The following AFF2 variants were observed in gnomAD, a reference collection of about 807,000 sequenced individuals.
AFF2 encodes AF4/FMR2 family member 2.
A neutral mutation model predicts 76.9 loss-of-function variants in AFF2; 14 were observed. The observed-to-expected ratio is 0.18, with a 90% CI of 0.12 to 0.28. AFF2 has a LOEUF of 0.28. Among genes scored for constraint, AFF2 ranks in the 10% least tolerant of loss-of-function variants. AFF2 has a pLI of 1.00. For missense variants in AFF2, 868 were observed against 1,001.1 expected, an observed-to-expected ratio of 0.87 and a Z score of 1.79; for synonymous variants, 398 against 366.7, an observed-to-expected ratio of 1.09 and a Z score of -0.98.
Position 148,583,587 on chromosome X carries a change from A to T in AFF2, c.48-68412A>T, listed in dbSNP as rs183799546. ...AAAATCCATGTGTATACATATGTTCATATATGCATATGTATATACACACAT... is the reference window on the plus strand; with the variant it reads ...AAAATCCATGTGTATACATATGTTCTTATATGCATATGTATATACACACAT... On this transcript the variant is annotated intron_variant, in intron 1 of 20. Coordinates refer to ENST00000370460, the MANE Select transcript of AFF2 (RefSeq NM_002025.4). Among the ~76,000 whole-genome samples, 635 of 111,591 alleles carry T rather than the reference A, an allele frequency of 5.7e-3. 4 individuals carry two copies. The highest frequency in any genetic ancestry group is 0.02 in the African/African-American group (602 of 30,727).
intron 3 of AFF2, among the ~76,000 whole-genome samples, chrX:148,667,810 G>C (rs1168332097): frequency 9.0e-6 from 1 of 111,431 alleles, no homozygotes; most frequent in Non-Finnish European, 1.9e-5. Context: ...TTTGGGTGGG[G>C]ACACAGCCAA....
At chrX:148,766,677 T>A (rs1375256340) in intron 3 of AFF2, among the ~76,000 whole-genome samples, 1 of 110,525 alleles carries the variant, frequency 9.0e-6, no homozygotes, top group African/African-American at 3.3e-5. Flanking sequence ...CTGATGGTAG[T>A]TTCTTTTGCT....
chrX:148,680,402 A>T (rs782159511), intron 3 of AFF2, among the ~76,000 whole-genome samples: 1 of 112,296 alleles, frequency 8.9e-6, no homozygotes, highest in South Asian at 3.7e-4. Flanking sequence ...GCCTTTCTTG[A>T]AGATGACAGC....
intron 1 of AFF2, among the ~76,000 whole-genome samples, chrX:148,523,092 A>G (rs1370589056): frequency 1.8e-5 from 2 of 112,292 alleles, no homozygotes; most frequent in Admixed American, 9.5e-5. Flanking sequence ...ATATATGCAT[A>G]TATATCATCT....
At chrX:148,516,489 C>A (rs1423387942) in intron 1 of AFF2, among the ~76,000 whole-genome samples, 2 of 111,821 alleles carry the variant, frequency 1.8e-5, no homozygotes, top group African/African-American at 6.5e-5. Flanking sequence ...TCCTGTGAAA[C>A]CATACATCTC....
chrX:148,988,043 G>A (rs782546999), intron 20 of AFF2, among the ~76,000 whole-genome samples: 8 of 111,643 alleles, frequency 7.2e-5, no homozygotes, highest in Non-Finnish European at 1.3e-4. Flanking sequence ...TTCACACACC[G>A]ATGGCTGGGA....
intron 1 of AFF2, among the ~76,000 whole-genome samples, chrX:148,562,714 T>G (rs782063585): frequency 1.3e-4 from 14 of 111,798 alleles, no homozygotes; most frequent in Non-Finnish European, 2.4e-4. Context: ...GAATAATAGA[T>G]GTCTCCCTTC....
chrX:148,744,352 T>C (rs1030329892), intron 3 of AFF2, among the ~76,000 whole-genome samples: 9 of 112,026 alleles, frequency 8.0e-5, no homozygotes, highest in Non-Finnish European at 1.7e-4. Context: ...TTATGATAAT[T>C]TAGTTAAGAA....
At chrX:148,548,405 A>C (rs2052951166) in intron 1 of AFF2, among the ~76,000 whole-genome samples, 1 of 112,198 alleles carries the variant, frequency 8.9e-6, no homozygotes, top group South Asian at 3.7e-4. Context: ...ATGCAGCCAA[A>C]TAAAGAAGCT....
intron 3 of AFF2, among the ~76,000 whole-genome samples, chrX:148,776,317 C>T (rs782515262): frequency 5.3e-5 from 6 of 112,161 alleles, no homozygotes; most frequent in African/African-American, 1.9e-4. Flanking sequence ...CTGCAATAAA[C>T]ATATGTGTGT....
chrX:148,570,689 C>G (rs2053219909), intron 1 of AFF2, among the ~76,000 whole-genome samples: 1 of 111,249 alleles, frequency 9.0e-6, no homozygotes, highest in Non-Finnish European at 1.9e-5. Context: ...TTTTGTTTCC[C>G]AGTTCTAGAG....
chrX:148,938,473 A>C (rs2071797759), intron 9 of AFF2, among the ~76,000 whole-genome samples: 1 of 112,112 alleles, frequency 8.9e-6, no homozygotes, highest in Non-Finnish European at 1.9e-5. Flanking sequence ...CCTATGTTGA[A>C]TCACAACTCA....
At chrX:148,555,467 A>AT (rs1283229494) in intron 1 of AFF2, among the ~76,000 whole-genome samples, 1 of 112,385 alleles carries the variant, frequency 8.9e-6, no homozygotes, top group African/African-American at 3.2e-5. Flanking sequence ...TAAATGATAC[A>AT]TTTTAGTTTT....
At chrX:148,903,469 T>G (rs1039807394) in intron 8 of AFF2, among the ~76,000 whole-genome samples, 2 of 111,868 alleles carry the variant, frequency 1.8e-5, no homozygotes, top group African/African-American at 6.5e-5. Context: ...GAGTTGTTTC[T>G]TCTAATATAC....
At chrX:148,838,805 C>A (rs1327173593) in intron 5 of AFF2, among the ~76,000 whole-genome samples, 1 of 111,931 alleles carries the variant, frequency 8.9e-6, no homozygotes, top group Non-Finnish European at 1.9e-5. Context: ...GAGAAACACC[C>A]AAAGGAGAAA....
chrX:148,585,373 C>T (rs1363223924), intron 1 of AFF2, among the ~76,000 whole-genome samples: 1 of 111,972 alleles, frequency 8.9e-6, no homozygotes, highest in Non-Finnish European at 1.9e-5. Context: ...AAGTTACCCT[C>T]ATCTATAAAA....
In AFF2 at chrX:148,907,088, C is replaced by T. The variant is rs782271378; in HGVS notation, c.1397+2830C>T. Among the ~76,000 whole-genome samples, 290 of 111,743 alleles carry T rather than the reference C, an allele frequency of 2.6e-3. 1 individual carries two copies. Among genetic ancestry groups the T allele is most frequent in the Non-Finnish European group, 3.7e-3 (199 of 53,142 alleles). ...ACCCCAGGTCAGAGAATAAAAGGCCCGCCCCATCTTGGGAGTGGCCACCAC... is the reference window on the plus strand; with the variant it reads ...ACCCCAGGTCAGAGAATAAAAGGCCTGCCCCATCTTGGGAGTGGCCACCAC... On this transcript the variant is annotated intron_variant, in intron 9 of 20. Transcript: ENST00000370460.
intron 3 of AFF2, among the ~76,000 whole-genome samples, chrX:148,773,740 A>AAGAAAGAAAG (rs2069631566): frequency 1.9e-5 from 2 of 107,660 alleles, no homozygotes; most frequent in Non-Finnish European, 3.9e-5. Flanking sequence ...GAAAGAAAGA[A>AAGAAAGAAAG]AGAAAGAGAA....
chrX:148,571,592 C>T (rs2053230328), intron 1 of AFF2, among the ~76,000 whole-genome samples: 1 of 111,304 alleles, frequency 9.0e-6, no homozygotes, highest in Non-Finnish European at 1.9e-5. Flanking sequence ...TAAACTTATT[C>T]CTGTGGGAAA....
Sources: allele counts gnomAD v4.1 joint callset (sites outside exome capture counted in the v4.1 genomes callset), GRCh38; gene constraint gnomAD v4.1.1; transcripts MANE v1.5; gene names NCBI Gene and HGNC (gene_info 2026-07-23, HGNC 2026-07-21).